NRXN3: variants seen among roughly 807,000 people sequenced by gnomAD.
The protein encoded by NRXN3 is neurexin III.
NRXN3 carries 32 observed loss-of-function variants against 137.6 expected under a neutral mutation model. The ratio of observed to expected loss-of-function variants is 0.23; its 90% CI spans 0.18 to 0.31. The LOEUF is 0.31. NRXN3 is among the 10% of genes least tolerant of loss of function. The probability of loss-of-function intolerance (pLI) is 1.00; values close to 1 mark genes in which losing one functional copy is unlikely to be tolerated. For synonymous variants in NRXN3, 798 were observed against 784.5 expected (o/e 1.02, Z -0.29); for missense variants, 1,574 against 2,062.5 (o/e 0.76, Z 4.59).
chr14:78,541,861 C>G (rs777649750), intron 4 of NRXN3, among the ~76,000 whole-genome samples: 112 of 152,354 alleles, frequency 7.4e-4, no homozygotes, highest in Middle Eastern at 3.4e-3. Context: ...AGTTTTCCTT[C>G]TAACAGTCTG....
At chr14:78,223,610 G>T (rs139427978) in intron 1 of NRXN3, among the ~76,000 whole-genome samples, 1 of 152,170 alleles carries the variant, frequency 6.6e-6, no homozygotes, top group Non-Finnish European at 1.5e-5. Flanking sequence ...TTCAGCGTTG[G>T]GTTGTGCCTG....
chr14:78,759,243 C>T (rs188073364), intron 8 of NRXN3, among the ~76,000 whole-genome samples: 5 of 152,262 alleles, frequency 3.3e-5, no homozygotes, highest in African/African-American at 9.6e-5. Flanking sequence ...GTGGTATTTC[C>T]GCTTGTTGGT....
chr14:79,321,489 A>C (rs529658813), intron 15 of NRXN3, among the ~76,000 whole-genome samples: 55 of 152,300 alleles, frequency 3.6e-4, no homozygotes, highest in Non-Finnish European at 4.6e-4. Context: ...CAGATTTCTT[A>C]AAATAAGGAC....
chr14:79,571,615 A>AT (rs1478860723), intron 16 of NRXN3, among the ~76,000 whole-genome samples: 1 of 152,080 alleles, frequency 6.6e-6, no homozygotes, highest in Non-Finnish European at 1.5e-5. Flanking sequence ...CCATAGGATC[A>AT]TTTTTCCCGT....
chr14:79,017,792 C>T (rs767339720), intron 15 of NRXN3, among the ~76,000 whole-genome samples: 3 of 152,120 alleles, frequency 2.0e-5, no homozygotes, highest in African/African-American at 7.2e-5. Context: ...GCACCTGAAA[C>T]CCAGTCTGTG....
At chr14:79,427,962 G>T (rs1284619472) in intron 15 of NRXN3, among the ~76,000 whole-genome samples, 1 of 152,104 alleles carries the variant, frequency 6.6e-6, no homozygotes, top group African/African-American at 2.4e-5. Flanking sequence ...TAAGATCGAG[G>T]ATCCCATTCC....
At chr14:79,298,003 T>C (rs1177213241) in intron 15 of NRXN3, among the ~76,000 whole-genome samples, 1 of 152,104 alleles carries the variant, frequency 6.6e-6, no homozygotes, top group African/African-American at 2.4e-5. Context: ...TTCAATTACA[T>C]TTCCCAGTCC....
intron 19 of NRXN3, among the ~76,000 whole-genome samples, chr14:79,738,273 A>AAGTGTCCTTATAAGAGTGAGGCAGATG (rs2098948799): frequency 6.6e-6 from 1 of 151,534 alleles, no homozygotes; most frequent in Non-Finnish European, 1.5e-5. Flanking sequence ...ATATCCTCAA[A>AAGTGTCCTTATAAGAGTGAGGCAGATG]AGTGTCCTTA....
chr14:79,034,402 TAAGAG>T (rs1379107066), intron 15 of NRXN3, among the ~76,000 whole-genome samples: 1 of 139,792 alleles, frequency 7.2e-6, no homozygotes, highest in African/African-American at 2.7e-5. Flanking sequence ...AAAAACATGT[TAAGAG>T]AAGACATTTA....
At chr14:79,850,971 T>C (rs546896871) in intron 20 of NRXN3, among the ~76,000 whole-genome samples, 47 of 152,308 alleles carry the variant, frequency 3.1e-4, no homozygotes, top group Admixed American at 2.4e-3. Flanking sequence ...CAACCCTAAA[T>C]TTTCGTATAT....
intron 16 of NRXN3, among the ~76,000 whole-genome samples, chr14:79,468,974 C>T (rs190697309): frequency 8.7e-4 from 133 of 152,260 alleles, no homozygotes; most frequent in Non-Finnish European, 1.4e-3. Context: ...AGAAAGGCAG[C>T]CATACTTACT....
chr14:79,447,250 T>C (rs1365000504), intron 15 of NRXN3, among the ~76,000 whole-genome samples: 1 of 152,208 alleles, frequency 6.6e-6, no homozygotes, highest in Non-Finnish European at 1.5e-5. Context: ...AGTAGTCAAA[T>C]AAATATTTTT....
chr14:79,560,504 CTTTTT>C (rs34025659), intron 16 of NRXN3, among the ~76,000 whole-genome samples: 1,300 of 43,724 alleles, frequency 0.03, 35 homozygotes, highest in African/African-American at 0.1. Context: ...AGATTGTAAG[CTTTTT>C]TTTTTTTTTT....
intron 15 of NRXN3, among the ~76,000 whole-genome samples, chr14:79,409,643 A>ATC (rs1555430235): frequency 5.7e-5 from 8 of 141,264 alleles, no homozygotes; most frequent in East Asian, 2.0e-4. Flanking sequence ...ATATATATAT[A>ATC]TCCTCAAAAT....
chr14:79,246,048 A>G (rs2075128308), intron 15 of NRXN3, among the ~76,000 whole-genome samples: 1 of 152,200 alleles, frequency 6.6e-6, no homozygotes, highest in Admixed American at 6.5e-5. Flanking sequence ...AAACAAACCA[A>G]AAAGAAATAT....
rs375890781 is a variant in NRXN3, at chr14:78,691,109, G to A, written c.1222-18108G>A. 1.4e-3 allele frequency among the ~76,000 whole-genome samples: 213 copies of A among 152,262 alleles called. 2 individuals carry two copies. The highest frequency in any genetic ancestry group is 5.0e-3 in the African/African-American group (209 of 41,556). ...TACAGTCAGGAAACCCAGGAAAAGA[G>A]GATGTTGAGGAAGGAGTGAGAGAAA... On this transcript the variant is annotated intron_variant, in intron 6 of 20. Transcript: ENST00000335750.
At chr14:79,343,054 T>C (rs1029466820) in intron 15 of NRXN3, among the ~76,000 whole-genome samples, 2 of 152,114 alleles carry the variant, frequency 1.3e-5, no homozygotes, top group African/African-American at 4.8e-5. Context: ...CTGGGTGTGG[T>C]GGCAGAACTG....
rs1968436 is a variant in NRXN3, at chr14:78,922,647, A to G, written c.2276-34595A>G. ...CTCACTCATAAATGGGAGCTGAACA[A>G]TGAGAACACATGGACACAGGGAGGG... On this transcript the variant is annotated intron_variant, in intron 10 of 20. Transcript: ENST00000335750. Among the ~76,000 whole-genome samples the G allele has an allele frequency of 9.3e-3, 1,415 of 152,268 alleles. 25 individuals are homozygous for G. Among genetic ancestry groups the G allele is most frequent in the African/African-American group, 0.032 (1,310 of 41,532 alleles).
intron 4 of NRXN3, among the ~76,000 whole-genome samples, chr14:78,594,701 A>G (rs1236744815): frequency 1.3e-5 from 2 of 152,130 alleles, no homozygotes; most frequent in African/African-American, 4.8e-5. Context: ...TCCGCTACGA[A>G]GGATGGAGGA....
Sources: allele counts gnomAD v4.1 joint callset (sites outside exome capture counted in the v4.1 genomes callset), GRCh38; gene constraint gnomAD v4.1.1; transcripts MANE v1.5; gene names NCBI Gene and HGNC (gene_info 2026-07-23, HGNC 2026-07-21).